TENM1: variants seen among roughly 807,000 people sequenced by gnomAD.
TENM1 encodes the protein teneurin-1.
In TENM1, 35 loss-of-function variants were observed where a neutral mutation model predicts 174.8. The ratio of observed to expected loss-of-function variants is 0.20; its 90% CI spans 0.15 to 0.27. TENM1 has a LOEUF of 0.27. Ranked by LOEUF, TENM1 falls within the 10% of genes least tolerant of loss-of-function variation. The pLI, the probability that TENM1 is intolerant of heterozygous loss-of-function variation, is 1.00. For synonymous variants in TENM1, 781 were observed against 798.7 expected, an observed-to-expected ratio of 0.98 and a Z score of 0.37; for missense variants, 1,633 against 2,130.1, an observed-to-expected ratio of 0.77 and a Z score of 4.59.
intron 3 of TENM1, among the ~76,000 whole-genome samples, chrX:124,841,113 C>A (rs1458186839): frequency 3.6e-5 from 4 of 111,448 alleles, no homozygotes; most frequent in African/African-American, 1.3e-4. Flanking sequence ...AGAGTAAAAC[C>A]TTGTCATGTA....
chrX:124,845,314 C>T (rs2056584810), intron 3 of TENM1, among the ~76,000 whole-genome samples: 1 of 111,344 alleles, frequency 9.0e-6, no homozygotes, highest in African/African-American at 3.3e-5. Context: ...TCACCTGGGA[C>T]TCTTGTTAAA....
At chrX:125,155,607 C>T in the TENM1 span, among the ~76,000 whole-genome samples, 1 of 112,311 alleles carries the variant, frequency 8.9e-6, no homozygotes, top group African/African-American at 3.2e-5. Context: ...GGCTGCAGGT[C>T]CCGAGCCCTG....
In TENM1 at chrX:124,424,775, T is replaced by G. The variant is rs761691901; in HGVS notation, c.4105-2137A>C. 5.4e-5 allele frequency among the ~76,000 whole-genome samples: 6 copies of G among 110,885 alleles called. No individual in the cohort carries two copies. In the South Asian group the frequency reaches 2.4e-3, roughly 43 times the overall value. ...CTTGGTACTGTATAGTGAGTTCTCA[T>G]GAGACGGGGTTGTTTAAAAGTGTGT... On this transcript the variant is annotated intron_variant, in intron 23 of 31. Coordinates refer to ENST00000422452, the Ensembl canonical transcript of TENM1.
intron 11 of TENM1, among the ~76,000 whole-genome samples, chrX:124,639,064 C>T (rs2050949328): frequency 8.9e-6 from 1 of 111,776 alleles, no homozygotes; most frequent in African/African-American, 3.3e-5. Flanking sequence ...AATTGGTCTT[C>T]TCAATAGTCT....
intron 1 of TENM1, among the ~76,000 whole-genome samples, chrX:124,931,796 C>T (rs1326894486): frequency 9.1e-6 from 1 of 110,237 alleles, no homozygotes; most frequent in Non-Finnish European, 1.9e-5. Context: ...GGTGTTGAAT[C>T]TGAGGTGGCA....
At chrX:124,497,045 C>A in exon 20 of TENM1, 1 of 1,209,633 alleles carries the variant, frequency 8.3e-7, no homozygotes, top group Non-Finnish European at 1.1e-6. Flanking sequence ...CGGAGTTTCC[C>A]GAGGGAAATA....
intron 3 of TENM1, among the ~76,000 whole-genome samples, chrX:124,817,596 G>C (rs1483287519): frequency 1.8e-5 from 2 of 111,275 alleles, no homozygotes; most frequent in Non-Finnish European, 3.8e-5. Flanking sequence ...TCACAGGAGA[G>C]GAAACTAAGG....
intron 5 of TENM1, among the ~76,000 whole-genome samples, chrX:124,679,008 C>A (rs778331430): frequency 1.8e-5 from 2 of 111,542 alleles, no homozygotes; most frequent in African/African-American, 6.5e-5. Flanking sequence ...ACAAATGTAA[C>A]TTTGCTTTCA....
chrX:124,614,505 T>C (rs1419567056), intron 11 of TENM1, among the ~76,000 whole-genome samples: 1 of 112,163 alleles, frequency 8.9e-6, no homozygotes, highest in African/African-American at 3.2e-5. Flanking sequence ...GGGGTGGCTG[T>C]CCATGGGATG....
intron 25 of TENM1, among the ~76,000 whole-genome samples, chrX:124,419,993 G>T (rs1274530214): frequency 8.9e-6 from 1 of 111,847 alleles, no homozygotes; most frequent in African/African-American, 3.3e-5. Context: ...AAATGAAATT[G>T]TACCTTATCT....
At chrX:124,450,489 C>T (rs1202186435) in intron 23 of TENM1, among the ~76,000 whole-genome samples, 1 of 111,945 alleles carries the variant, frequency 8.9e-6, no homozygotes, top group African/African-American at 3.2e-5. Context: ...CCATGGAGAA[C>T]TGTAAGTCCA....
rs191155803 is a variant in TENM1 at position 124,397,480 on chromosome X, C to T, written c.5392-5132G>A. Among the ~76,000 whole-genome samples the T allele has an allele frequency of 3.6e-5, 4 of 112,452 alleles. No individual in the cohort carries two copies. In the East Asian group the frequency reaches 1.1e-3, roughly 31 times the overall value. On this transcript the variant is annotated intron_variant, in intron 27 of 31. Coordinates refer to ENST00000422452, the Ensembl canonical transcript of TENM1. ...GGAGAAGGCTGAATTTTCAAGAACA[C>T]TGTCACTAGACAACTGTGTTACTTG...
At chrX:124,880,739 T>G (rs964992301) in intron 3 of TENM1, among the ~76,000 whole-genome samples, 14 of 111,811 alleles carry the variant, frequency 1.3e-4, no homozygotes, top group African/African-American at 4.5e-4. Context: ...TTTTTTATCA[T>G]GAGGGGAATG....
intron 15 of TENM1, among the ~76,000 whole-genome samples, chrX:124,533,663 T>G (rs948148923): frequency 8.9e-6 from 1 of 112,039 alleles, no homozygotes; most frequent in African/African-American, 3.2e-5. Context: ...TGTCTTTTTC[T>G]GAAACATTTT....
At chrX:124,729,311 G>A (rs1228008453) in intron 4 of TENM1, among the ~76,000 whole-genome samples, 2 of 112,249 alleles carry the variant, frequency 1.8e-5, no homozygotes, top group Non-Finnish European at 3.8e-5. Flanking sequence ...CACTTTCTAT[G>A]TGCCTGGCTC....
At chrX:125,121,993 G>C in the TENM1 span, among the ~76,000 whole-genome samples, 1 of 112,311 alleles carries the variant, frequency 8.9e-6, no homozygotes, top group East Asian at 2.8e-4. Context: ...AGGATCACTT[G>C]AGCCCAGGAG....
chrX:124,991,942 C>T, the TENM1 span, among the ~76,000 whole-genome samples: 1 of 111,006 alleles, frequency 9.0e-6, no homozygotes, highest in Non-Finnish European at 1.9e-5. Context: ...GAACCAACTC[C>T]TTACCTTGCC....
intron 23 of TENM1, among the ~76,000 whole-genome samples, chrX:124,429,144 G>A (rs191068466): frequency 1.9e-3 from 210 of 111,607 alleles, no homozygotes; most frequent in Non-Finnish European, 3.0e-3. Context: ...CATCTGATTC[G>A]TCATTCCCAA....
chrX:124,575,746 T>C (rs1156679796), intron 11 of TENM1, among the ~76,000 whole-genome samples: 1 of 112,255 alleles, frequency 8.9e-6, no homozygotes, highest in Non-Finnish European at 1.9e-5. Context: ...CTTTTCACTA[T>C]ACAGAATCTT....
Sources: allele counts gnomAD v4.1 joint callset (sites outside exome capture counted in the v4.1 genomes callset), GRCh38; gene constraint gnomAD v4.1.1; transcripts MANE v1.5; gene names NCBI Gene and HGNC (gene_info 2026-07-23, HGNC 2026-07-21).